SLIT3: variants seen among roughly 807,000 people sequenced by gnomAD.
SLIT3 encodes slit guidance ligand 3.
A neutral mutation model predicts 184.0 loss-of-function variants in SLIT3; 68 were observed. The observed-to-expected ratio is 0.37, with a 90% CI of 0.30 to 0.45. The LOEUF is 0.45. Among genes scored for constraint, SLIT3 ranks in the 20% least tolerant of loss-of-function variants. SLIT3 has a pLI of 1.00. For missense variants in SLIT3, 1,707 were observed against 2,026.0 expected (o/e 0.84, Z 3.02); for synonymous variants, 831 against 828.6 (o/e 1.00, Z -0.05).
intron 4 of SLIT3, among the ~76,000 whole-genome samples, chr5:168,956,596 C>T (rs993476035): frequency 6.6e-6 from 1 of 151,892 alleles, no homozygotes; most frequent in South Asian, 2.1e-4. Flanking sequence ...GAGACAGAGA[C>T]CAGCCTGGCC....
intron 4 of SLIT3, among the ~76,000 whole-genome samples, chr5:168,934,332 G>T (rs1243735795): frequency 1.3e-5 from 2 of 152,202 alleles, no homozygotes; most frequent in Non-Finnish European, 2.9e-5. Flanking sequence ...TGCTGGTTGA[G>T]ATTCTACTTA....
chr5:169,111,478 G>A (rs12108877), intron 4 of SLIT3, among the ~76,000 whole-genome samples: 1,898 of 152,284 alleles, frequency 0.012, 34 homozygotes, highest in African/African-American at 0.043. Context: ...ATGGCTAGGC[G>A]TGGTGGCTCA....
intron 9 of SLIT3, among the ~76,000 whole-genome samples, chr5:168,800,171 A>G (rs966128437): frequency 2.0e-5 from 3 of 152,176 alleles, no homozygotes; most frequent in Admixed American, 6.5e-5. Flanking sequence ...ATGCTTCCCT[A>G]TGCTGGAAGA....
chr5:169,163,761 G>C (rs1284498758), intron 4 of SLIT3, among the ~76,000 whole-genome samples: 1 of 149,906 alleles, frequency 6.7e-6, no homozygotes, highest in Non-Finnish European at 1.5e-5. Flanking sequence ...GGAAGTTCAG[G>C]AACTATCTAG....
intron 4 of SLIT3, among the ~76,000 whole-genome samples, chr5:168,984,406 C>T (rs908581556): frequency 1.3e-5 from 2 of 152,108 alleles, no homozygotes; most frequent in African/African-American, 4.8e-5. Context: ...TCTGAATTGC[C>T]CAAATTCAAT....
chr5:169,142,849 A>G lies in SLIT3; in HGVS notation c.413+50630T>C, dbSNP rs1984604. On this transcript the variant is annotated intron_variant, in intron 4 of 35. Coordinates refer to ENST00000519560, the MANE Select transcript of SLIT3 (RefSeq NM_003062.4). The stretch of plus-strand genomic sequence containing the variant: ...GTCCACGTGATAGGCATGTACTCCA[A>G]GCTGAGTCAATAATCTGTGATGGAG... Among the ~76,000 whole-genome samples, 6 of 152,216 alleles carry G rather than the reference A, an allele frequency of 3.9e-5. No individual in the cohort carries two copies. In the East Asian group the frequency reaches 9.6e-4, roughly 24 times the overall value.
At chr5:169,112,250 G>C (rs1169412404) in intron 4 of SLIT3, among the ~76,000 whole-genome samples, 1 of 152,170 alleles carries the variant, frequency 6.6e-6, no homozygotes. Flanking sequence ...CTCAGTGCCT[G>C]CTCCTGATGC....
intron 4 of SLIT3, among the ~76,000 whole-genome samples, chr5:168,906,174 G>T (rs999038589): frequency 2.0e-5 from 3 of 152,142 alleles, no homozygotes; most frequent in Admixed American, 2.0e-4. Context: ...AGAATGAAAA[G>T]AAAATCTGAA....
chr5:168,805,968 G>T (rs1756939788), intron 9 of SLIT3, among the ~76,000 whole-genome samples: 1 of 152,170 alleles, frequency 6.6e-6, no homozygotes, highest in African/African-American at 2.4e-5. Flanking sequence ...AAGGATGAAG[G>T]AGACATTATT....
intron 8 of SLIT3, among the ~76,000 whole-genome samples, chr5:168,808,936 C>T (rs1757077344): frequency 6.6e-6 from 1 of 152,104 alleles, no homozygotes; most frequent in Admixed American, 6.5e-5. Flanking sequence ...GGGAGAAGTC[C>T]CACACTTGGG....
intron 4 of SLIT3, among the ~76,000 whole-genome samples, chr5:169,161,544 C>A (rs1990868): frequency 8.2e-4 from 125 of 152,170 alleles, no homozygotes; most frequent in African/African-American, 2.6e-3. Context: ...CAATGATAAA[C>A]CTCGGTGCCA....
At chr5:168,677,585 A>T (rs1204171011) in intron 32 of SLIT3, among the ~76,000 whole-genome samples, 1 of 152,188 alleles carries the variant, frequency 6.6e-6, no homozygotes, top group African/African-American at 2.4e-5. Flanking sequence ...AGTAGCTGGG[A>T]TTACAGGCAC....
chr5:168,781,495 G>A lies in SLIT3; in HGVS notation c.1151+4412C>T, dbSNP rs371964108. On this transcript the variant is annotated intron_variant, in intron 12 of 35. Coordinates refer to ENST00000519560, the MANE Select transcript of SLIT3 (RefSeq NM_003062.4). Reference sequence around the variant, plus strand: ...AGGGAAGAACCCTTCCCTCAAGAACGCATCGCCAAGTCAGTCTGCTTCTTC... The same window carrying A: ...AGGGAAGAACCCTTCCCTCAAGAACACATCGCCAAGTCAGTCTGCTTCTTC... 2.2e-4 allele frequency among the ~76,000 whole-genome samples: 34 copies of A among 152,234 alleles called. 2 individuals carry two copies. Among genetic ancestry groups the A allele is most frequent in the African/African-American group, 7.7e-4 (32 of 41,530 alleles).
chr5:169,170,327 G>C (rs1308436006), intron 4 of SLIT3, among the ~76,000 whole-genome samples: 2 of 152,110 alleles, frequency 1.3e-5, no homozygotes, highest in African/African-American at 4.8e-5. Flanking sequence ...CAGAAGTCCG[G>C]AAGAGTCATA....
At chr5:169,163,747 C>T (rs1194505989) in intron 4 of SLIT3, among the ~76,000 whole-genome samples, 2 of 150,294 alleles carry the variant, frequency 1.3e-5, no homozygotes, top group African/African-American at 2.4e-5. Context: ...TCGGGAAATA[C>T]TAAGGAAGTT....
At chr5:168,992,427 G>A (rs142346702) in intron 4 of SLIT3, among the ~76,000 whole-genome samples, 1 of 152,316 alleles carries the variant, frequency 6.6e-6, no homozygotes, top group East Asian at 1.9e-4. Flanking sequence ...TTTACTTTAT[G>A]CGAGGGCTAA....
chr5:168,776,825 C>G (rs1194739393), intron 12 of SLIT3, among the ~76,000 whole-genome samples: 5 of 152,100 alleles, frequency 3.3e-5, no homozygotes, highest in Non-Finnish European at 7.4e-5. Context: ...TTCACACACA[C>G]AGTGTTTTGA....
intron 6 of SLIT3, among the ~76,000 whole-genome samples, chr5:168,833,858 G>T (rs1757958468): frequency 6.6e-6 from 1 of 152,154 alleles, no homozygotes; most frequent in South Asian, 2.1e-4. Context: ...GGAACCAGCT[G>T]ACCTCCAGGG....
intron 33 of SLIT3, 63 bp from the exon 34 acceptor site, chr5:168,671,546 A>G: frequency 6.6e-7 from 1 of 1,518,652 alleles, no homozygotes; most frequent in Non-Finnish European, 8.9e-7. Context: ...CTGTCCTCAG[A>G]GCGAAAAAGC....
Sources: gnomAD v4.1 joint callset for allele counts (sites outside exome capture counted in the v4.1 genomes callset) on GRCh38, gnomAD v4.1.1 for gene constraint, MANE v1.5 for transcripts, NCBI Gene and HGNC (gene_info 2026-07-23, HGNC 2026-07-21) for gene names.